CCDC187: variants seen among roughly 807,000 people sequenced by gnomAD.
CCDC187 encodes the protein coiled-coil domain containing 187.
In CCDC187, 32 loss-of-function variants were observed where a neutral mutation model predicts 38.0. The ratio of observed to expected loss-of-function variants is 0.84; its 90% CI spans 0.64 to 1.13. The LOEUF (loss-of-function observed/expected upper bound fraction) is 1.13. CCDC187 is among the 50% of genes most tolerant of loss of function. The probability of loss-of-function intolerance (pLI) is 0.00; values close to 1 mark genes in which losing one functional copy is unlikely to be tolerated. For synonymous variants in CCDC187, 333 were observed against 347.9 expected, an observed-to-expected ratio of 0.96 and a Z score of 0.48; for missense variants, 707 against 786.8, an observed-to-expected ratio of 0.90 and a Z score of 1.21.
At chr9:136,288,481 T>C (rs995785430) in intron 7 of CCDC187, among the ~76,000 whole-genome samples, 12 of 152,290 alleles carry the variant, frequency 7.9e-5, no homozygotes, top group African/African-American at 2.2e-4. Flanking sequence ...CCCTGGCCTC[T>C]GAGCCAGCTC....
In CCDC187 at chr9:136,291,334, G is replaced by GAGCTTCC; in HGVS notation, c.1278_1279insGGAAGCT (p.Pro427GlyfsTer18). 5.0e-6 allele frequency: 2 copies of GAGCTTCC among 398,802 alleles called. No individual in the cohort carries two copies. Among genetic ancestry groups the GAGCTTCC allele is most frequent in the Non-Finnish European group, 8.8e-6 (2 of 226,178 alleles). The allele number at this position is 398,802 out of a possible 1,614,324, so 24.7% of individuals were successfully genotyped here. ...TGCTTCCTCTCTGTCATGGCCCAGG[G>GAGCTTCC]ACTCTTAGAGAAGGAGCTCTGGGCA... On this transcript the variant is annotated frameshift_variant, in exon 6 of 26. Coordinates refer to ENST00000638797, the MANE Select transcript of CCDC187 (RefSeq NM_001378188.1). LOFTEE classifies it high-confidence loss of function.
rs1314989666 is a variant in CCDC187 at position 136,291,088 on chromosome 9, T to C, written c.1525A>G (p.Arg509Gly). Reference sequence around the variant, plus strand: ...GGCCTCTGGGAGGAGGGGCCCTGTCTTTGGGCCCCCCAGGCCCTCTGCGGA... The same window carrying C: ...GGCCTCTGGGAGGAGGGGCCCTGTCCTTGGGCCCCCCAGGCCCTCTGCGGA... ...CSPQRAWGAQ[R>G]QGPSSQRPGS... The change falls in exon 6 of 26, where the codon AGA becomes GGA. Residue 509 changes from arginine to glycine, a missense_variant. Arg to Gly is a moderately radical substitution (Grantham distance 125, BLOSUM62 -2). Transcript: ENST00000638797. 3 of 398,004 alleles carry C rather than the reference T, an allele frequency of 7.5e-6. No individual in the cohort carries two copies. Among genetic ancestry groups the C allele is most frequent in the Admixed American group, 8.8e-5 (2 of 22,736 alleles). 24.7% of individuals were successfully genotyped at this position (398,004 alleles called of 1,614,324 possible).
chr9:136,261,323 G>A (rs781986235), intron 19 of CCDC187, among the ~76,000 whole-genome samples: 1 of 152,188 alleles, frequency 6.6e-6, no homozygotes, highest in African/African-American at 2.4e-5. Flanking sequence ...CCAGGGAGCC[G>A]AAGTTTTCTC....
At chr9:136,267,821 A>G (rs1308871917) in intron 15 of CCDC187, 3 of 982,386 alleles carry the variant, frequency 3.1e-6, no homozygotes, top group South Asian at 4.7e-5. Context: ...AACCCTGCCC[A>G]AAGCACCATG....
Position 136,267,856 on chromosome 9 carries a change from A to G in CCDC187, c.3519+193T>C, listed in dbSNP as rs938092648. 11 of 985,114 alleles carry G rather than the reference A, an allele frequency of 1.1e-5. 1 individual carries two copies. In the East Asian group the frequency reaches 1.0e-3, roughly 91 times the overall value. The allele number at this position is 985,114 out of a possible 1,614,324, so 61.0% of individuals were successfully genotyped here. A position where few individuals can be genotyped will look rare whatever the true frequency, so the allele number is the denominator to read the frequency against. On this transcript the variant is annotated intron_variant, in intron 15 of 25. Transcript: ENST00000638797. ...GTTGAAATGCCTGCCCCCCTCTGTC[A>G]CCCAGGGCGGGAGGAACGGGCTTGG... is the stretch of plus-strand genomic sequence containing the variant.
rs1831042926 is a variant in CCDC187, at chr9:136,281,559, CG to C, written c.3031del (p.Arg1011GlyfsTer11). The C allele has an allele frequency of 5.0e-6, 2 of 398,402 alleles. No individual in the cohort carries two copies. The highest frequency in any genetic ancestry group is 8.8e-6 in the Non-Finnish European group (2 of 226,054). 24.7% of individuals were successfully genotyped at this position (398,402 alleles called of 1,614,324 possible). A position where few individuals can be genotyped will look rare whatever the true frequency, so the allele number is the denominator to read the frequency against. On this transcript the variant is annotated frameshift_variant, in exon 10 of 26. Coordinates refer to ENST00000638797, the MANE Select transcript of CCDC187 (RefSeq NM_001378188.1). LOFTEE classifies it high-confidence loss of function. ...GADSVAPCTP[R>X]SCGQQEDPCV... is the part of the protein sequence containing the mutation. ...CGCAGGGTCGCCCTTACCGCAGCTC[CG>C]GGGGGTGCAGGGCGCCACAGAATCT...
Position 136,303,008 on chromosome 9 carries a change from C to T in CCDC187, c.429G>A (p.Gln143=), listed in dbSNP as rs1831724619. The change falls in exon 2 of 26, where the codon CAG becomes CAA. Residue 143 remains glutamine, a synonymous_variant. Transcript: ENST00000638797. ...ERPPQVLGPQ[Q]RPRKSDARLE... ...GCCGCGCGTCACTCTTTCTGGGCCT[C>T]TGCTGGGGCCCCAACACCTGGGGTG... The T allele has an allele frequency of 2.5e-6, 1 of 398,610 alleles. No individual in the cohort carries two copies. The highest frequency in any genetic ancestry group is 2.1e-5 in the African/African-American group (1 of 48,638). The allele number at this position is 398,610 out of a possible 1,614,324, so 24.7% of individuals were successfully genotyped here.
At chr9:136,293,121 ACAAACACT>A (rs1831377602) in intron 4 of CCDC187, among the ~76,000 whole-genome samples, 1 of 133,044 alleles carries the variant, frequency 7.5e-6, no homozygotes, top group African/African-American at 4.0e-5. Context: ...TCACACACTC[ACAAACACT>A]CACATGCTCA....
intron 14 of CCDC187, among the ~76,000 whole-genome samples, chr9:136,269,223 G>A (rs782071991): frequency 1.3e-5 from 2 of 152,212 alleles, no homozygotes; most frequent in African/African-American, 2.4e-5. Context: ...TACACAGAAC[G>A]TTCTTGCCTT....
In CCDC187 at chr9:136,259,468, G is replaced by A; in HGVS notation, c.4211-20C>T. 1.0e-6 allele frequency: 1 copy of A among 984,038 alleles called. No homozygotes were observed. Among genetic ancestry groups the A allele is most frequent in the African/African-American group, 1.7e-5 (1 of 57,218 alleles). 61.0% of individuals were successfully genotyped at this position (984,038 alleles called of 1,614,324 possible). A position where few individuals can be genotyped will look rare whatever the true frequency, so the allele number is the denominator to read the frequency against. ...CAGGCTCTGAAAGACACAATCCCAG[G>A]AGTCACCAGCAGCAACCACAGACTG... On this transcript the variant is annotated intron_variant, in intron 20 of 25. Coordinates refer to ENST00000638797, the MANE Select transcript of CCDC187 (RefSeq NM_001378188.1).
Position 136,255,031 on chromosome 9 carries a change from A to G in CCDC187, c.4797T>C (p.Ser1599=), listed in dbSNP as rs782643709. 74 of 985,466 alleles carry G rather than the reference A, an allele frequency of 7.5e-5. No individual in the cohort carries two copies. The highest frequency in any genetic ancestry group is 8.2e-5 in the Non-Finnish European group (68 of 830,056). 61.0% of individuals were successfully genotyped at this position (985,466 alleles called of 1,614,324 possible). A position where few individuals can be genotyped will look rare whatever the true frequency, so the allele number is the denominator to read the frequency against. ...SSCGPGSESA[S]GTCWGPSEEA... ...CTTCCGAAGGCCCCCAGCAGGTTCCAGAAGCAGACTCAGAGCCTGGACCGC... is the reference window on the plus strand; with the variant it reads ...CTTCCGAAGGCCCCCAGCAGGTTCCGGAAGCAGACTCAGAGCCTGGACCGC... The change falls in exon 26 of 26, where the codon TCT becomes TCC. Residue 1599 remains serine (S), a synonymous_variant. Transcript: ENST00000638797.
chr9:136,293,427 TCA>T (rs1482136834), intron 4 of CCDC187, among the ~76,000 whole-genome samples: 13 of 40,448 alleles, frequency 3.2e-4, no homozygotes, highest in African/African-American at 8.1e-4. Context: ...TCACATACTC[TCA>T]CATGCTCACA....
chr9:136,276,993 C>T (rs1449802897), intron 10 of CCDC187, among the ~76,000 whole-genome samples: 1 of 152,044 alleles, frequency 6.6e-6, no homozygotes, highest in Non-Finnish European at 1.5e-5. Flanking sequence ...CCCACTGCAT[C>T]TCCTCGTCCC....
rs566858253 is a variant in CCDC187 at position 136,273,069 on chromosome 9, T to C, written c.3442+1589A>G. On this transcript the variant is annotated intron_variant, in intron 14 of 25. Transcript: ENST00000638797. Reference sequence around the variant, plus strand: ...AGATAAAATGGAATCATTAAAAACATTGCTTAATCCAAAGGGAGGCAGAAA... The same window carrying C: ...AGATAAAATGGAATCATTAAAAACACTGCTTAATCCAAAGGGAGGCAGAAA... 4.6e-5 allele frequency among the ~76,000 whole-genome samples: 7 copies of C among 152,258 alleles called. No homozygotes were observed. In the East Asian group the frequency reaches 7.7e-4, roughly 17 times the overall value.
At chr9:136,287,262 G>A (rs989304125) in intron 7 of CCDC187, among the ~76,000 whole-genome samples, 48 of 152,152 alleles carry the variant, frequency 3.2e-4, no homozygotes, top group African/African-American at 6.0e-4. Flanking sequence ...AAACTGGCCC[G>A]ATGGTCCCCT....
At chr9:136,293,824 TCACA>T (rs2131329041) in intron 4 of CCDC187, among the ~76,000 whole-genome samples, 1 of 148,222 alleles carries the variant, frequency 6.7e-6, no homozygotes, top group Admixed American at 6.8e-5. Context: ...GCTCTCACAC[TCACA>T]CTACCACACA....
chr9:136,271,506 G>T (rs1830839154), intron 14 of CCDC187, among the ~76,000 whole-genome samples: 1 of 151,882 alleles, frequency 6.6e-6, no homozygotes, highest in Non-Finnish European at 1.5e-5. Flanking sequence ...GGGCAACAGA[G>T]CGAGACTCTG....
chr9:136,293,396 CACTCACAAACACTCACATGCTCACAT>C (rs1564324369), intron 4 of CCDC187, among the ~76,000 whole-genome samples: 6 of 90,022 alleles, frequency 6.7e-5, no homozygotes, highest in Non-Finnish European at 9.8e-5. Flanking sequence ...CATGCTCACA[CACTCACAAACACTCACATGCTCACAT>C]ACTCTCACAT....
At chr9:136,293,924 ACTCC>A (rs1290152474) in intron 4 of CCDC187, among the ~76,000 whole-genome samples, 1 of 146,504 alleles carries the variant, frequency 6.8e-6, no homozygotes, top group East Asian at 2.0e-4. Context: ...TCATATACAC[ACTCC>A]CTCGTGCTCT....
Sources: allele counts gnomAD v4.1 joint callset (sites outside exome capture counted in the v4.1 genomes callset), GRCh38; gene constraint gnomAD v4.1.1; transcripts MANE v1.5; gene names NCBI Gene and HGNC (gene_info 2026-07-23, HGNC 2026-07-21).